RIN2: variants seen among roughly 807,000 people sequenced by gnomAD.
RIN2 encodes the protein RAB5 interacting protein 2.
A neutral mutation model predicts 78.0 loss-of-function variants in RIN2; 36 were observed. The observed-to-expected ratio is 0.46, with a 90% CI of 0.35 to 0.61. The LOEUF (loss-of-function observed/expected upper bound fraction) is 0.61. Among genes scored for constraint, RIN2 ranks in the 20% least tolerant of loss-of-function variants. The pLI is 0.00. For synonymous variants in RIN2, 466 were observed against 466.8 expected, an observed-to-expected ratio of 1.00 and a Z score of 0.02; for missense variants, 1,087 against 1,159.7, an observed-to-expected ratio of 0.94 and a Z score of 0.91.
At chr20:19,970,711 A>T in intron 7 of RIN2, 127 bp from the exon 8 acceptor site, 1 of 724,198 alleles carries the variant, frequency 1.4e-6, no homozygotes, top group Non-Finnish European at 2.4e-6. Flanking sequence ...AACTTTGTCG[A>T]TATGGTATGG....
intron 9 of RIN2, among the ~76,000 whole-genome samples, chr20:19,978,102 A>G (rs1753285165): frequency 6.6e-6 from 1 of 152,110 alleles, no homozygotes; most frequent in African/African-American, 2.4e-5. Flanking sequence ...TGACCAGAAC[A>G]TGGACTTAGC....
chr20:19,884,176 G>A (rs2038111085), intron 2 of RIN2, among the ~76,000 whole-genome samples: 1 of 151,874 alleles, frequency 6.6e-6, no homozygotes, highest in Non-Finnish European at 1.5e-5. Context: ...CAGCACTTTG[G>A]GAAGCCAAGG....
intron 3 of RIN2, among the ~76,000 whole-genome samples, chr20:19,914,459 A>C (rs1327492876): frequency 2.0e-5 from 3 of 152,250 alleles, no homozygotes; most frequent in African/African-American, 7.2e-5. Flanking sequence ...AGGACATTGC[A>C]TCAAAAAAAT....
chr20:20,001,165 G>A lies in RIN2; in HGVS notation c.*229G>A, dbSNP rs949764499. The A allele has an allele frequency of 3.8e-6, 2 of 526,904 alleles. No individual in the cohort carries two copies. Among genetic ancestry groups the A allele is most frequent in the Non-Finnish European group, 6.8e-6 (2 of 294,956 alleles). 32.6% of individuals were successfully genotyped at this position (526,904 alleles called of 1,614,324 possible). A position where few individuals can be genotyped will look rare whatever the true frequency, so the allele number is the denominator to read the frequency against. On this transcript the variant is annotated 3_prime_UTR_variant, in exon 13 of 13. Transcript: ENST00000255006. The stretch of plus-strand genomic sequence containing the variant: ...TTGGCAATGGAGAATTGCATCTGAT[G>A]GTTCAAGTGTCCTGAGATTGTTTGC...
intron 2 of RIN2, among the ~76,000 whole-genome samples, chr20:19,836,355 CTAAAT>C (rs759290488): frequency 9.9e-5 from 15 of 152,210 alleles, no homozygotes; most frequent in Non-Finnish European, 2.1e-4. Context: ...CGCACCAAAA[CTAAAT>C]TAAAGGATTA....
At chr20:19,970,700 T>C in intron 7 of RIN2, 138 bp from the exon 8 acceptor site, 1 of 685,332 alleles carries the variant, frequency 1.5e-6, no homozygotes, top group Non-Finnish European at 2.6e-6. Flanking sequence ...CCAGGAAAGA[T>C]AACTTTGTCG....
Position 19,975,029 on chromosome 20 carries a change from C to T in RIN2, c.1004C>T (p.Pro335Leu). The change falls in exon 9 of 13, where the codon CCA (proline) becomes CTA (leucine). Residue 335 changes from proline (P) to leucine (L), a missense_variant. Pro to Leu is a moderately conservative substitution (Grantham distance 98). Coordinates refer to ENST00000255006, the MANE Select transcript of RIN2 (RefSeq NM_018993.4). The surrounding 1 kb of genome is among the most constrained non-coding windows in gnomAD (Gnocchi z 4.9). Reference protein sequence around the residue: ...LARTETQTSMPETVNHNKHGN... With the variant: ...LARTETQTSMLETVNHNKHGN... ...AGGACTGAAACCCAGACGAGCATGC[C>T]AGAAACAGTCAACCATAACAAACAT... 1.2e-6 allele frequency: 2 copies of T among 1,613,490 alleles called. No individual in the cohort carries two copies. The highest frequency in any genetic ancestry group is 1.7e-6 in the Non-Finnish European group (2 of 1,179,870).
intron 2 of RIN2, among the ~76,000 whole-genome samples, chr20:19,831,002 C>G (rs1439212909): frequency 6.6e-6 from 1 of 152,218 alleles, no homozygotes; most frequent in Non-Finnish European, 1.5e-5. Flanking sequence ...AGGCACTGAT[C>G]CCACGGGCGC....
intron 2 of RIN2, among the ~76,000 whole-genome samples, chr20:19,801,616 C>T (rs114524447): frequency 0.037 from 5,658 of 152,270 alleles, 234 homozygotes; most frequent in African/African-American, 0.1. Flanking sequence ...CCACCGCGCC[C>T]GGCATCATTA....
chr20:19,941,232 C>T (rs552291835), intron 4 of RIN2, among the ~76,000 whole-genome samples: 6 of 152,294 alleles, frequency 3.9e-5, no homozygotes, highest in African/African-American at 1.4e-4. Context: ...TATGTGACAG[C>T]ATTGACATTA....
chr20:19,794,293 C>T (rs561480256), intron 1 of RIN2, among the ~76,000 whole-genome samples: 5 of 152,130 alleles, frequency 3.3e-5, no homozygotes, highest in South Asian at 2.1e-4. Flanking sequence ...CAGTAGCTCA[C>T]GTCTGTAATC....
chr20:19,975,296 G>C lies in RIN2; in HGVS notation c.1271G>C (p.Gly424Ala), dbSNP rs912040413. 2 of 1,604,170 alleles carry C rather than the reference G, an allele frequency of 1.2e-6. No homozygotes were observed. ...TCTGAATCACGGCCCCCGTGCCATG[G>C]AGGCCGGCAGCGGCTGAGCGACATG... ...PSSESRPPCH[G>A]GRQRLSDMSI... Residue 424 changes from glycine to alanine, a missense_variant, in exon 9 of 13, where the codon GGA (glycine) becomes GCA (alanine). Coordinates refer to ENST00000255006, the MANE Select transcript of RIN2 (RefSeq NM_018993.4). This position sits in a 1 kb window ranked among gnomAD's most constrained non-coding sequence, Gnocchi z 4.9.
rs11362637 is a variant in RIN2 at position 19,886,612 on chromosome 20, CT to C, written c.-36-2935del. On this transcript the variant is annotated intron_variant, in intron 2 of 12. Transcript: ENST00000255006. ...GGGCTGCCTTCTTCTTCTTCTTCTT[CT>C]TTTTTTTTTTTTTTTTTTGCTAGCT... is the stretch of plus-strand genomic sequence containing the variant. 151,223 of 515,558 alleles carry C rather than the reference CT, an allele frequency of 0.29. 7,269 individuals carry two copies. The highest frequency in any genetic ancestry group is 0.31 in the Non-Finnish European group (92,945 of 300,748). 31.9% of individuals were successfully genotyped at this position (515,558 alleles called of 1,614,324 possible). A position where few individuals can be genotyped will look rare whatever the true frequency, so the allele number is the denominator to read the frequency against.
intron 4 of RIN2, 63 bp from the exon 5 acceptor site, chr20:19,956,552 C>A: frequency 6.7e-7 from 1 of 1,499,254 alleles, no homozygotes; most frequent in Non-Finnish European, 9.2e-7. Flanking sequence ...CTTGTAGGGA[C>A]GGTCTCCTTG....
intron 2 of RIN2, among the ~76,000 whole-genome samples, chr20:19,878,599 A>AT (rs2037928317): frequency 6.6e-6 from 1 of 152,038 alleles, no homozygotes; most frequent in Non-Finnish European, 1.5e-5. Flanking sequence ...TTGATGTATA[A>AT]TTTTTTTAAT....
At chr20:19,794,424 C>T (rs1007006136) in intron 1 of RIN2, among the ~76,000 whole-genome samples, 8 of 149,528 alleles carry the variant, frequency 5.4e-5, no homozygotes, top group East Asian at 4.1e-4. Flanking sequence ...GGTGAGGTGG[C>T]GGGAGGCGGA....
At chr20:19,910,412 G>A (rs1195954740) in intron 3 of RIN2, among the ~76,000 whole-genome samples, 5 of 151,348 alleles carry the variant, frequency 3.3e-5, no homozygotes, top group East Asian at 2.0e-4. Flanking sequence ...ACCTCAAGTC[G>A]TCTGTTCACC....
intron 3 of RIN2, among the ~76,000 whole-genome samples, chr20:19,894,343 A>G (rs1405407477): frequency 6.6e-6 from 1 of 151,126 alleles, no homozygotes; most frequent in Admixed American, 6.6e-5. Flanking sequence ...AGCCACCCCC[A>G]CTCTCCCTAC....
rs145664572 is a variant in RIN2 at position 19,862,908 on chromosome 20, A to G, written c.-36-26658A>G. 1.5e-3 allele frequency among the ~76,000 whole-genome samples: 234 copies of G among 152,294 alleles called. 3 individuals carry two copies. The highest frequency in any genetic ancestry group is 5.6e-3 in the African/African-American group (231 of 41,574). ...TCTTGTCTTTGGATTGGTTTGTAAC[A>G]TGACTTAATGTAGCAACATCTGCCC... On this transcript the variant is annotated intron_variant, in intron 2 of 12. Coordinates refer to ENST00000255006, the MANE Select transcript of RIN2 (RefSeq NM_018993.4).
Sources: gnomAD v4.1 joint callset for allele counts (sites outside exome capture counted in the v4.1 genomes callset) on GRCh38, gnomAD v4.1.1 for gene constraint, Gnocchi (gnomAD v3.1) non-coding constraint, MANE v1.5 for transcripts, NCBI Gene and HGNC (gene_info 2026-07-23, HGNC 2026-07-21) for gene names.